The following WDR72 variants were observed in gnomAD, a reference collection of about 807,000 sequenced individuals.
The protein encoded by WDR72 is WD repeat domain 72, also known as WD repeat-containing protein 72.
Under a neutral mutation model 124.2 loss-of-function variants are expected in WDR72, and 120 were observed. That is an observed-to-expected ratio of 0.97 (90% confidence interval 0.83 to 1.12). The LOEUF is 1.12. Ranked by LOEUF, WDR72 falls within the 50% of genes most tolerant of loss-of-function variation. The pLI, the probability that WDR72 is intolerant of heterozygous loss-of-function variation, is 0.00. For synonymous variants in WDR72, 452 were observed against 441.7 expected (o/e 1.02, Z -0.29); for missense variants, 1,387 against 1,278.8 (o/e 1.08, Z -1.29).
intron 1 of WDR72, among the ~76,000 whole-genome samples, chr15:53,757,778 G>A (rs558501756): frequency 7.9e-5 from 12 of 152,208 alleles, no homozygotes; most frequent in African/African-American, 2.9e-4. Context: ...ATATCTGAAT[G>A]CAACAAACTT....
intron 14 of WDR72, among the ~76,000 whole-genome samples, chr15:53,623,494 T>TATATAC (rs199728983): frequency 1.5e-4 from 22 of 150,336 alleles, no homozygotes; most frequent in African/African-American, 3.7e-4. Flanking sequence ...TATATATATA[T>TATATAC]ACACACATAC....
At chr15:53,762,111 T>A (rs370940438), upstream of WDR72, among the ~76,000 whole-genome samples, 14 of 152,292 alleles carry the variant, frequency 9.2e-5, no homozygotes, top group East Asian at 2.1e-3. Context: ...GGAAGCAGGT[T>A]GGGAGAGATT....
chr15:53,738,120 T>C (rs1411341286), intron 1 of WDR72, among the ~76,000 whole-genome samples: 1 of 152,208 alleles, frequency 6.6e-6, no homozygotes, highest in African/African-American at 2.4e-5. Flanking sequence ...AAATTCGATG[T>C]AGTTAAGACT....
intron 18 of WDR72, among the ~76,000 whole-genome samples, chr15:53,534,844 G>A (rs753588822): frequency 5.9e-5 from 9 of 151,802 alleles, no homozygotes; most frequent in South Asian, 2.1e-4. Context: ...CCTATTACAC[G>A]ACAGATTTCT....
At chr15:53,675,205 T>C (rs1364801991) in intron 13 of WDR72, among the ~76,000 whole-genome samples, 1 of 152,026 alleles carries the variant, frequency 6.6e-6, no homozygotes, top group Non-Finnish European at 1.5e-5. Flanking sequence ...TAGCCGGGCA[T>C]GGTGGCACAT....
At chr15:53,686,539 A>T (rs998553748) in intron 13 of WDR72, among the ~76,000 whole-genome samples, 1 of 151,968 alleles carries the variant, frequency 6.6e-6, no homozygotes, top group Non-Finnish European at 1.5e-5. Flanking sequence ...CACTCAACAC[A>T]AGAGCACCCA....
At chr15:53,758,766 T>TGC (rs1399932850) in intron 1 of WDR72, among the ~76,000 whole-genome samples, 41 of 892 alleles carry the variant, frequency 0.046, 2 homozygotes, top group Non-Finnish European at 0.072. Flanking sequence ...AACACAAAAC[T>TGC]GCGGGGGGGG....
At chr15:53,711,311 G>GT in intron 8 of WDR72, 25 bp downstream of exon 8, 1 of 1,613,972 alleles carries the variant, frequency 6.2e-7, no homozygotes, top group Non-Finnish European at 8.5e-7. Flanking sequence ...TGAATGTTTT[G>GT]TATGCCGCTC....
intron 13 of WDR72, among the ~76,000 whole-genome samples, chr15:53,674,877 A>T (rs1391035846): frequency 6.6e-6 from 1 of 151,872 alleles, no homozygotes; most frequent in Non-Finnish European, 1.5e-5. Context: ...TTCAACCCTC[A>T]CGTCTAATTC....
In WDR72 at chr15:53,609,569, C is replaced by T. The variant is rs758052193; in HGVS notation, c.2896G>A (p.Glu966Lys). Residue 966 changes from glutamate to lysine, a missense_variant, in exon 17 of 20, where the codon GAG becomes AAG. Coordinates refer to ENST00000360509, the MANE Select transcript of WDR72 (RefSeq NM_182758.4). ...AGCTTCAAAAGTGAAAGGTCAGCCT[C>T]AGGTACATGGGATTCATTCTTACCT... is the stretch of plus-strand genomic sequence containing the variant. The part of the protein sequence containing the change: ...RNGKNESHVP[E>K]ADLSLLKLIS... The T allele has an allele frequency of 6.2e-7, 1 of 1,613,496 alleles. No homozygotes were observed. The highest frequency in any genetic ancestry group is 2.2e-5 in the East Asian group (1 of 44,850).
chr15:53,646,571 G>A lies in WDR72; in HGVS notation c.1962+19001C>T, dbSNP rs1420151261. 2.0e-5 allele frequency among the ~76,000 whole-genome samples: 3 copies of A among 152,028 alleles called. No homozygotes were observed. The East Asian group carries it at 5.8e-4, about 29-fold the overall frequency. On this transcript the variant is annotated intron_variant, in intron 14 of 19. Coordinates refer to ENST00000360509, the MANE Select transcript of WDR72 (RefSeq NM_182758.4). ...ACTGTTTCAGGTCACCTTGTATTGAGGACTGGTTAACAAACAAGAGACAAA... is the reference window on the plus strand; with the variant it reads ...ACTGTTTCAGGTCACCTTGTATTGAAGACTGGTTAACAAACAAGAGACAAA...
At chr15:53,549,641 G>C (rs1893644165) in intron 18 of WDR72, among the ~76,000 whole-genome samples, 1 of 152,004 alleles carries the variant, frequency 6.6e-6, no homozygotes, top group Admixed American at 6.6e-5. Context: ...GACAAAGGGA[G>C]ATCACTAAAG....
chr15:53,543,626 G>A (rs1595747954), intron 18 of WDR72, among the ~76,000 whole-genome samples: 1 of 150,982 alleles, frequency 6.6e-6, no homozygotes, highest in Non-Finnish European at 1.5e-5. Flanking sequence ...CTAGCAGAAG[G>A]CAAGAAATAA....
intron 19 of WDR72, among the ~76,000 whole-genome samples, chr15:53,518,991 G>A (rs1247628565): frequency 6.6e-6 from 1 of 152,012 alleles, no homozygotes; most frequent in Non-Finnish European, 1.5e-5. Flanking sequence ...AAACACTTAC[G>A]TAAATGCATT....
At position 53,609,499 on chromosome 15, in the gene WDR72, G is replaced by T. The variant is rs1566981956; in HGVS notation, c.2952+14C>A. 6.2e-7 allele frequency: 1 copy of T among 1,610,116 alleles called. No homozygotes were observed. The highest frequency in any genetic ancestry group is 8.5e-7 in the Non-Finnish European group (1 of 1,176,814). ...ACTCTTCTAATAACGTCATGAATGT[G>T]AATTATATCATACCTGCACAGACTG... On this transcript the variant is annotated intron_variant, in intron 17 of 19. Transcript: ENST00000360509.
chr15:53,577,206 C>G (rs995005283), intron 18 of WDR72, among the ~76,000 whole-genome samples: 1 of 152,146 alleles, frequency 6.6e-6, no homozygotes, highest in Non-Finnish European at 1.5e-5. Context: ...AGAACTTCTG[C>G]ACTGTAAAAG....
At chr15:53,712,629 T>C in intron 7 of WDR72, 143 bp downstream of exon 7, 1 of 877,624 alleles carries the variant, frequency 1.1e-6, no homozygotes, top group Non-Finnish European at 1.7e-6. Flanking sequence ...GTTACGTCAG[T>C]CATAAAAGAC....
intron 17 of WDR72, among the ~76,000 whole-genome samples, chr15:53,604,720 A>C (rs1645763595): frequency 6.6e-6 from 1 of 152,244 alleles, no homozygotes; most frequent in African/African-American, 2.4e-5. Flanking sequence ...AAATCATATG[A>C]AAGAAAGCTT....
chr15:53,690,537 A>G (rs2016804775), intron 13 of WDR72, among the ~76,000 whole-genome samples: 1 of 152,304 alleles, frequency 6.6e-6, no homozygotes, highest in South Asian at 2.1e-4. Flanking sequence ...ATCATACAAT[A>G]TGTGCATTTT....
Sources: allele counts gnomAD v4.1 joint callset (sites outside exome capture counted in the v4.1 genomes callset), GRCh38; gene constraint gnomAD v4.1.1; transcripts MANE v1.5; gene names NCBI Gene and HGNC (gene_info 2026-07-23, HGNC 2026-07-21).